SERPINB7: variants seen among roughly 807,000 people sequenced by gnomAD.
The protein encoded by SERPINB7 is serpin family B member 7, also known as serpin B7.
In SERPINB7, 31 loss-of-function variants were observed where a neutral mutation model predicts 37.4. The ratio of observed to expected loss-of-function variants is 0.83; its 90% CI spans 0.62 to 1.12. The LOEUF is 1.12. SERPINB7 is among the 50% of genes most tolerant of loss of function. The pLI is 0.00. For missense variants in SERPINB7, 521 were observed against 455.3 expected (o/e 1.14, Z -1.31); for synonymous variants, 163 against 166.1 (o/e 0.98, Z 0.14).
intron 7 of SERPINB7, among the ~76,000 whole-genome samples, chr18:63,801,735 G>C (rs1445569529): frequency 6.6e-6 from 1 of 152,128 alleles, no homozygotes; most frequent in Non-Finnish European, 1.5e-5. Context: ...GACCGGTTTA[G>C]TCATGAGTCA....
chr18:63,758,894 G>A (rs556021556), intron 1 of SERPINB7, among the ~76,000 whole-genome samples: 8 of 152,250 alleles, frequency 5.3e-5, no homozygotes, highest in Admixed American at 5.2e-4. Flanking sequence ...TGAGTGGTGG[G>A]GTCCAAGAGT....
At chr18:63,754,909 T>C (rs2049112310) in intron 1 of SERPINB7, among the ~76,000 whole-genome samples, 1 of 118,142 alleles carries the variant, frequency 8.5e-6, no homozygotes, top group Admixed American at 9.6e-5. Flanking sequence ...TTTTTTTTTT[T>C]TGAGACGGAG....
chr18:63,767,858 T>C (rs2049189043), intron 1 of SERPINB7, among the ~76,000 whole-genome samples: 1 of 152,126 alleles, frequency 6.6e-6, no homozygotes, highest in Non-Finnish European at 1.5e-5. Context: ...TATAGAACTA[T>C]TCAGGTGATT....
chr18:63,790,334 G>C (rs557218535), intron 2 of SERPINB7, among the ~76,000 whole-genome samples: 2 of 152,154 alleles, frequency 1.3e-5, no homozygotes, highest in Non-Finnish European at 2.9e-5. Flanking sequence ...TCTTTTGTCA[G>C]AAGCCACCAT....
intron 2 of SERPINB7, among the ~76,000 whole-genome samples, chr18:63,786,691 T>C (rs1476935005): frequency 6.6e-6 from 1 of 152,126 alleles, no homozygotes; most frequent in Non-Finnish European, 1.5e-5. Context: ...ATTTTCCTCA[T>C]TGCCATCATC....
At chr18:63,790,399 G>A (rs2144627276) in intron 2 of SERPINB7, among the ~76,000 whole-genome samples, 1 of 152,238 alleles carries the variant, frequency 6.6e-6, no homozygotes, top group East Asian at 1.9e-4. Flanking sequence ...GTCAGCTTTG[G>A]GGAGGAAGCA....
intron 1 of SERPINB7, among the ~76,000 whole-genome samples, chr18:63,768,193 T>C (rs2049190981): frequency 6.6e-6 from 1 of 152,072 alleles, no homozygotes; most frequent in Non-Finnish European, 1.5e-5. Flanking sequence ...TTTCTGTTTG[T>C]TTTTGGTTTA....
At chr18:63,764,483 A>G (rs1156421739) in intron 1 of SERPINB7, among the ~76,000 whole-genome samples, 1 of 152,154 alleles carries the variant, frequency 6.6e-6, no homozygotes, top group African/African-American at 2.4e-5. Flanking sequence ...CTTCTCACTC[A>G]TCTCTCAGGA....
chr18:63,783,010 C>T (rs1466509569), intron 2 of SERPINB7, among the ~76,000 whole-genome samples: 1 of 151,200 alleles, frequency 6.6e-6, no homozygotes, highest in Non-Finnish European at 1.5e-5. Context: ...TGGTGGCGGG[C>T]GCCTGTAGTC....
chr18:63,761,985 A>G lies in SERPINB7; in HGVS notation c.-19+8865A>G, dbSNP rs539630199. 7.9e-5 allele frequency among the ~76,000 whole-genome samples: 12 copies of G among 152,298 alleles called. 1 individual carries two copies. In the South Asian group the frequency reaches 2.5e-3, roughly 32 times the overall value. ...ATCTTTCAGGTCTACATTTCTGTGGAAAACAGTTTCTAATTCTTCTAGGAC... is the reference window on the plus strand; with the variant it reads ...ATCTTTCAGGTCTACATTTCTGTGGGAAACAGTTTCTAATTCTTCTAGGAC... On this transcript the variant is annotated intron_variant, in intron 1 of 7. Coordinates refer to the SERPINB7 transcript ENST00000336429.
chr18:63,786,693 G>A (rs1243706044), intron 2 of SERPINB7, among the ~76,000 whole-genome samples: 1 of 151,888 alleles, frequency 6.6e-6, no homozygotes, highest in African/African-American at 2.4e-5. Context: ...TTTCCTCATT[G>A]CCATCATCTG....
chr18:63,801,754 AGT>A (rs1432692568), intron 7 of SERPINB7, among the ~76,000 whole-genome samples: 1 of 152,100 alleles, frequency 6.6e-6, no homozygotes, highest in Non-Finnish European at 1.5e-5. Context: ...CATGAGTCCA[AGT>A]GGAGTTAGTG....
chr18:63,764,575 C>A (rs570120643), intron 1 of SERPINB7, among the ~76,000 whole-genome samples: 6 of 152,080 alleles, frequency 3.9e-5, no homozygotes, highest in Non-Finnish European at 8.8e-5. Flanking sequence ...TTAATAATTC[C>A]ACTATACTCT....
intron 2 of SERPINB7, among the ~76,000 whole-genome samples, chr18:63,790,360 A>C (rs1002908044): frequency 6.6e-6 from 1 of 152,244 alleles, no homozygotes; most frequent in African/African-American, 2.4e-5. Context: ...GGTTGATGAC[A>C]ACAATGATGG....
chr18:63,782,881 G>A (rs2049315298), intron 2 of SERPINB7, among the ~76,000 whole-genome samples: 1 of 152,084 alleles, frequency 6.6e-6, no homozygotes, highest in Non-Finnish European at 1.5e-5. Flanking sequence ...GCTCATGCCT[G>A]TAATCCCAGC....
chr18:63,767,318 A>G (rs1342518087), intron 1 of SERPINB7, among the ~76,000 whole-genome samples: 1 of 152,162 alleles, frequency 6.6e-6, no homozygotes, highest in Non-Finnish European at 1.5e-5. Flanking sequence ...GGGCTAAGTT[A>G]AATAAATAAA....
intron 6 of SERPINB7, 109 bp from the exon 7 acceptor site, chr18:63,800,757 G>A: frequency 7.2e-6 from 9 of 1,245,816 alleles, no homozygotes; most frequent in Non-Finnish European, 1.0e-5. Context: ...AATCTGCAGG[G>A]TCAACTGAGC....
At chr18:63,761,357 T>C (rs752346618) in intron 1 of SERPINB7, among the ~76,000 whole-genome samples, 2 of 152,204 alleles carry the variant, frequency 1.3e-5, no homozygotes, top group Non-Finnish European at 2.9e-5. Context: ...ATCTAGGAAG[T>C]AACTAACTTG....
intron 2 of SERPINB7, among the ~76,000 whole-genome samples, chr18:63,789,192 A>G (rs11875259): frequency 0.015 from 2,221 of 152,250 alleles, 55 homozygotes; most frequent in African/African-American, 0.051. Context: ...TGTTTCAAAG[A>G]TTAGCGAGCT....
Sources: gnomAD v4.1 joint callset for allele counts (sites outside exome capture counted in the v4.1 genomes callset) on GRCh38, gnomAD v4.1.1 for gene constraint, MANE v1.5 for transcripts, NCBI Gene and HGNC (gene_info 2026-07-23, HGNC 2026-07-21) for gene names.